Variants in ECHDC1 observed in about 807,000 individuals in gnomAD.
The protein encoded by ECHDC1 is ethylmalonyl-CoA decarboxylase.
Under a neutral mutation model 29.7 loss-of-function variants are expected in ECHDC1, and 29 were observed. That is an observed-to-expected ratio of 0.98 (90% CI 0.73 to 1.33). The LOEUF is 1.33. ECHDC1 is among the 40% of genes most tolerant of loss of function. The pLI is 0.00. For synonymous variants in ECHDC1, 126 were observed against 123.1 expected (o/e 1.02, Z -0.15); for missense variants, 328 against 350.0 (o/e 0.94, Z 0.50).
chr6:127,297,375 CTGAA>C (rs1278938831), intron 5 of ECHDC1, among the ~76,000 whole-genome samples: 2 of 152,106 alleles, frequency 1.3e-5, no homozygotes, highest in Non-Finnish European at 2.9e-5. Context: ...AAAATTTAAA[CTGAA>C]TGCAAAAACT....
chr6:127,315,691 G>T, intron 4 of ECHDC1: 1 of 286,242 alleles, frequency 3.5e-6, no homozygotes, highest in Non-Finnish European at 7.0e-6. Context: ...AATGCAATAG[G>T]AAAAGGAGGT....
intron 5 of ECHDC1, among the ~76,000 whole-genome samples, chr6:127,308,801 T>C (rs1231176280): frequency 2.0e-5 from 3 of 152,194 alleles, no homozygotes; most frequent in Admixed American, 1.3e-4. Context: ...TCAGTAGCTT[T>C]TCTATATGTA....
At chr6:127,325,849 T>G (rs964505031) in intron 3 of ECHDC1, among the ~76,000 whole-genome samples, 3 of 152,028 alleles carry the variant, frequency 2.0e-5, no homozygotes, top group African/African-American at 7.2e-5. Flanking sequence ...TACAGGCATG[T>G]GCCAGCACAC....
chr6:127,316,026 T>C, intron 4 of ECHDC1: 2 of 470,778 alleles, frequency 4.2e-6, no homozygotes, highest in Non-Finnish European at 8.8e-6. Context: ...AACTTTCCAA[T>C]CCATAGTTCT....
At chr6:127,342,065 A>C (rs974540998) in intron 1 of ECHDC1, among the ~76,000 whole-genome samples, 1 of 152,212 alleles carries the variant, frequency 6.6e-6, no homozygotes. Flanking sequence ...CGCATATGCG[A>C]TCTACCTGTT....
intron 5 of ECHDC1, among the ~76,000 whole-genome samples, chr6:127,301,312 T>G (rs1198889285): frequency 6.6e-6 from 1 of 152,200 alleles, no homozygotes; most frequent in Admixed American, 6.5e-5. Flanking sequence ...TTCATTTCTT[T>G]TATATATTCA....
intron 5 of ECHDC1, among the ~76,000 whole-genome samples, chr6:127,294,310 T>C (rs1470973609): frequency 1.3e-5 from 2 of 152,292 alleles, no homozygotes; most frequent in Admixed American, 6.5e-5. Context: ...TGGGGAAATA[T>C]AGCATAGAAA....
chr6:127,339,030 G>A (rs561694101), intron 1 of ECHDC1, among the ~76,000 whole-genome samples: 1 of 152,118 alleles, frequency 6.6e-6, no homozygotes, highest in South Asian at 2.1e-4. Flanking sequence ...TTAAATAGAA[G>A]AGTATCATTC....
chr6:127,318,384 T>C (rs992336894), intron 3 of ECHDC1, among the ~76,000 whole-genome samples: 4 of 152,350 alleles, frequency 2.6e-5, no homozygotes, highest in Non-Finnish European at 5.9e-5. Flanking sequence ...ACAGTATTTT[T>C]ATTTTTATGC....
rs748064360 is a variant in ECHDC1 at position 127,327,079 on chromosome 6, G to T, written c.286C>A (p.Leu96Ile). The change falls in exon 3 of 6, where the codon CTC (leucine) becomes ATC (isoleucine). Residue 96 changes from leucine to isoleucine, a missense_variant. Leu to Ile is a conservative substitution (Grantham distance 5). Transcript: ENST00000454859. Reference sequence around the variant, plus strand: ...GTATTTTTTGCCCCACGGACAATGAGGCCTTTCCCCTCTGTCCAATTTTCC... The same window carrying T: ...GTATTTTTTGCCCCACGGACAATGATGCCTTTCCCCTCTGTCCAATTTTCC... ...ELENWTEGKG[L>I]IVRGAKNTFS... 3 of 1,614,044 alleles carry T rather than the reference G, an allele frequency of 1.9e-6. No homozygotes were observed. The highest frequency in any genetic ancestry group is 1.7e-6 in the Non-Finnish European group (2 of 1,179,988).
Position 127,289,204 on chromosome 6 carries a change from C to A in ECHDC1, c.*665G>T, listed in dbSNP as rs1047855252. On this transcript the variant is annotated 3_prime_UTR_variant, in exon 6 of 6. Transcript: ENST00000454859. ...AGTTGTTTATTACTAGTTGGAAATT[C>A]CAGGGCACACAAATGAATGTCCAAT... The A allele has an allele frequency of 3.9e-5, 6 of 151,980 alleles. No individual in the cohort carries two copies. Among genetic ancestry groups the A allele is most frequent in the African/African-American group, 9.7e-5 (4 of 41,404 alleles). The allele number at this position is 151,980 out of a possible 1,614,324, so 9.4% of individuals were successfully genotyped here.
intron 1 of ECHDC1, among the ~76,000 whole-genome samples, chr6:127,339,865 C>T (rs898413893): frequency 6.6e-6 from 1 of 151,908 alleles, no homozygotes; most frequent in Non-Finnish European, 1.5e-5. Context: ...GGTGTGGCTA[C>T]AAGTGAGGGT....
rs1187970966 is a variant in ECHDC1, at chr6:127,289,305, A to T, written c.*564T>A. The T allele has an allele frequency of 5.3e-5, 8 of 152,082 alleles. No individual in the cohort carries two copies. The highest frequency in any genetic ancestry group is 1.2e-4 in the Non-Finnish European group (8 of 68,010). The allele number at this position is 152,082 out of a possible 1,614,324, so 9.4% of individuals were successfully genotyped here. A position where few individuals can be genotyped will look rare whatever the true frequency, so the allele number is the denominator to read the frequency against. Reference sequence around the variant, plus strand: ...ATTTACAATAGAAAACTAATTATTGAAAAGAACAAAGTTCCAAATTTGTAG... The same window carrying T: ...ATTTACAATAGAAAACTAATTATTGTAAAGAACAAAGTTCCAAATTTGTAG... On this transcript the variant is annotated 3_prime_UTR_variant, in exon 6 of 6. Transcript: ENST00000454859.
intron 1 of ECHDC1, among the ~76,000 whole-genome samples, chr6:127,334,675 T>C (rs911807752): frequency 6.6e-6 from 1 of 152,018 alleles, no homozygotes; most frequent in Non-Finnish European, 1.5e-5. Flanking sequence ...TCCCACAAAT[T>C]TACCATGCTA....
intron 3 of ECHDC1, among the ~76,000 whole-genome samples, chr6:127,323,580 T>G (rs1783032693): frequency 6.6e-6 from 1 of 152,032 alleles, no homozygotes. Flanking sequence ...ACTAGGAAAA[T>G]AAGATTTAGA....
chr6:127,335,977 T>C (rs1397176980), intron 1 of ECHDC1, among the ~76,000 whole-genome samples: 1 of 152,096 alleles, frequency 6.6e-6, no homozygotes, highest in Non-Finnish European at 1.5e-5. Flanking sequence ...TTTTAAGGTA[T>C]CTAAGGCCTC....
chr6:127,315,055 T>C, intron 4 of ECHDC1, 159 bp from the exon 5 acceptor site: 1 of 731,562 alleles, frequency 1.4e-6, no homozygotes, highest in Non-Finnish European at 2.5e-6. Context: ...GCTTGAACCT[T>C]TACATCATGA....
At chr6:127,315,128 A>G (rs1307394521) in intron 4 of ECHDC1, 8 of 661,640 alleles carry the variant, frequency 1.2e-5, no homozygotes, top group Admixed American at 1.0e-4. Flanking sequence ...TAAGTTCATT[A>G]AAATACCTCC....
chr6:127,314,852 C>A lies in ECHDC1; in HGVS notation c.461G>T (p.Gly154Val). The A allele has an allele frequency of 6.2e-7, 1 of 1,611,960 alleles. No homozygotes were observed. Residue 154 changes from glycine to valine, a missense_variant, in exon 5 of 6, where the codon GGT becomes GTT. Gly to Val is a moderately radical substitution (Grantham distance 109). Transcript: ENST00000454859. ...TGCTGTAGTAAATTCTGCTCCTCCA[C>A]CCAATGCCCAACCTTGAACCAGCGC... is the stretch of plus-strand genomic sequence containing the variant. ...SVALVQGWAL[G>V]GGAEFTTACD...
Sources: gnomAD v4.1 joint callset for allele counts (sites outside exome capture counted in the v4.1 genomes callset) on GRCh38, gnomAD v4.1.1 for gene constraint, MANE v1.5 for transcripts, NCBI Gene and HGNC (gene_info 2026-07-23, HGNC 2026-07-21) for gene names.